The following CIITA variants were observed in gnomAD, a reference collection of about 807,000 sequenced individuals.
The protein encoded by CIITA is class II major histocompatibility complex transactivator, also known as MHC class II transactivator.
Under a neutral mutation model 115.1 loss-of-function variants are expected in CIITA, and 72 were observed. The observed-to-expected ratio is 0.63, with a 90% CI of 0.52 to 0.76. The LOEUF (loss-of-function observed/expected upper bound fraction) is 0.76, where lower values mean the gene tolerates loss of function less well. Among genes scored for constraint, CIITA ranks in the 30% least tolerant of loss-of-function variants. The probability of loss-of-function intolerance (pLI) is 0.00; values close to 1 mark genes in which losing one functional copy is unlikely to be tolerated. For missense variants in CIITA, 1,617 were observed against 1,463.8 expected (o/e 1.10, Z -1.71); for synonymous variants, 763 against 635.6 (o/e 1.20, Z -3.02).
At chr16:10,909,285 T>C in intron 12 of CIITA, 98 bp downstream of exon 12, 2 of 1,288,862 alleles carry the variant, frequency 1.6e-6, no homozygotes, top group Non-Finnish European at 2.2e-6. Flanking sequence ...CAGTGCCCCC[T>C]GTCCTCTGGG....
chr16:10,883,447 G>A (rs2036620620), intron 1 of CIITA, among the ~76,000 whole-genome samples: 1 of 152,168 alleles, frequency 6.6e-6, no homozygotes, highest in African/African-American at 2.4e-5. Context: ...GGACCACCAG[G>A]CCCCTCACCC....
Position 10,879,648 on chromosome 16 carries a change from TC to T in CIITA, c.52+2272del, listed in dbSNP as rs1160468680. 1.3e-5 allele frequency among the ~76,000 whole-genome samples: 2 copies of T among 151,786 alleles called. No homozygotes were observed. The highest frequency in any genetic ancestry group is 4.8e-5 in the African/African-American group (2 of 41,322). ...GTTGTTGGGAGGGGTGGGGGAGGGA[TC>T]CCCCCGGACTGAACCGATCTCTTGA... On this transcript the variant is annotated intron_variant, in intron 1 of 19. Transcript: ENST00000324288. The surrounding 1 kb of genome is among the most constrained non-coding windows in gnomAD (Gnocchi z 4.3).
At chr16:10,902,329 T>A (rs2038836308) in intron 7 of CIITA, 145 bp downstream of exon 7, 1 of 1,259,432 alleles carries the variant, frequency 7.9e-7, no homozygotes, top group Admixed American at 2.1e-5. Flanking sequence ...CAGCCAGTTT[T>A]ATCCTTGGGG....
intron 1 of CIITA, among the ~76,000 whole-genome samples, chr16:10,894,144 G>T (rs1271115139): frequency 6.6e-6 from 1 of 152,088 alleles, no homozygotes; most frequent in African/African-American, 2.4e-5. Flanking sequence ...GAGCCACCAC[G>T]CCCCACCCCT....
intron 1 of CIITA, among the ~76,000 whole-genome samples, chr16:10,869,321 G>A (rs571906587): frequency 2.0e-5 from 3 of 152,170 alleles, no homozygotes; most frequent in Non-Finnish European, 4.4e-5. Context: ...GACACGCTCA[G>A]CACACTGTCT....
At chr16:10,893,799 C>T (rs911439269) in intron 1 of CIITA, among the ~76,000 whole-genome samples, 3 of 59,616 alleles carry the variant, frequency 5.0e-5, no homozygotes, top group African/African-American at 1.3e-4. Flanking sequence ...ACAGAGACTC[C>T]GTCTTAAAAA....
intron 1 of CIITA, among the ~76,000 whole-genome samples, chr16:10,867,382 G>A (rs923077914): frequency 6.6e-6 from 1 of 151,730 alleles, no homozygotes; most frequent in African/African-American, 2.4e-5. Context: ...GTGTGTCTGT[G>A]TGACACACAG....
At position 10,928,829 on chromosome 16, in the gene CIITA, G is replaced by A. The variant is rs1383751720; in HGVS notation, c.*4974G>A. 1 of 152,466 alleles carries A rather than the reference G, an allele frequency of 6.6e-6. No homozygotes were observed. Among genetic ancestry groups the A allele is most frequent in the East Asian group, 1.9e-4 (1 of 5,194 alleles). The allele number at this position is 152,466 out of a possible 1,614,324, so 9.4% of individuals were successfully genotyped here. A position where few individuals can be genotyped will look rare whatever the true frequency, so the allele number is the denominator to read the frequency against. On this transcript the variant is annotated 3_prime_UTR_variant, in exon 20 of 20. Coordinates refer to ENST00000324288, the MANE Select transcript of CIITA (RefSeq NM_000246.4). Reference sequence around the variant, plus strand: ...ATCTTCTGCTGTTTGTCAGCCACAAGGTTCTGCCTAGAACTCCTTTCCCGA... The same window carrying A: ...ATCTTCTGCTGTTTGTCAGCCACAAAGTTCTGCCTAGAACTCCTTTCCCGA...
chr16:10,887,848 G>A (rs2037117927), intron 1 of CIITA, among the ~76,000 whole-genome samples: 2 of 152,108 alleles, frequency 1.3e-5, no homozygotes, highest in South Asian at 4.1e-4. Flanking sequence ...GCTTTTAGGG[G>A]TAGCAAAAGA....
chr16:10,872,276 C>T (rs1192722510), upstream of CIITA, among the ~76,000 whole-genome samples: 1 of 152,014 alleles, frequency 6.6e-6, no homozygotes, highest in Non-Finnish European at 1.5e-5. Flanking sequence ...GCGCCTGCCA[C>T]CATGCCGAGC....
At chr16:10,902,223 C>G (rs753155836) in intron 7 of CIITA, 39 bp downstream of exon 7, 2 of 1,612,432 alleles carry the variant, frequency 1.2e-6, no homozygotes, top group Non-Finnish European at 1.7e-6. Flanking sequence ...CTTTCTCCCT[C>G]TTGGGAGGTG....
rs776085726 is a variant in CIITA at position 10,941,808 on chromosome 16, C to G, written n.934C>G. On this transcript the variant is annotated non_coding_transcript_exon_variant, in exon 2 of 2. Transcript: ENST00000573379. The surrounding 1 kb of genome is among the most constrained non-coding windows in gnomAD (Gnocchi z 6.4). ...CGGAGAGCACGCCGAGGTCCACGAG[C>G]GCCTGGTCCATGTCCTCGGGCAGGA... is the stretch of plus-strand genomic sequence containing the variant. The G allele has an allele frequency of 6.2e-7, 1 of 1,613,590 alleles. No individual in the cohort carries two copies. The highest frequency in any genetic ancestry group is 1.1e-5 in the South Asian group (1 of 91,062).
rs2040684562 is a variant in CIITA, at chr16:10,929,520, G to T, written c.*5665G>T. The T allele has an allele frequency of 3.0e-6, 3 of 985,422 alleles. No individual in the cohort carries two copies. Among genetic ancestry groups the T allele is most frequent in the South Asian group, 9.4e-5 (2 of 21,284 alleles). The allele number at this position is 985,422 out of a possible 1,614,324, so 61.0% of individuals were successfully genotyped here. Reference sequence around the variant, plus strand: ...CTTCCACTCTCCTGGGTTCAAACAGGAACCTCTCTGTTGGCACGAAGCTTT... The same window carrying T: ...CTTCCACTCTCCTGGGTTCAAACAGTAACCTCTCTGTTGGCACGAAGCTTT... On this transcript the variant is annotated 3_prime_UTR_variant, in exon 20 of 20. Coordinates refer to ENST00000324288, the MANE Select transcript of CIITA (RefSeq NM_000246.4). The surrounding 1 kb of genome is among the most constrained non-coding windows in gnomAD (Gnocchi z 4.3).
chr16:10,869,579 G>A (rs769725993), intron 1 of CIITA, among the ~76,000 whole-genome samples: 1 of 150,772 alleles, frequency 6.6e-6, no homozygotes, highest in Non-Finnish European at 1.5e-5. Context: ...GTGCAGTGGT[G>A]AGATCTCAGC....
intron 14 of CIITA, 86 bp downstream of exon 14, chr16:10,915,736 C>A: frequency 8.5e-7 from 1 of 1,181,130 alleles, no homozygotes; most frequent in Non-Finnish European, 1.3e-6. Flanking sequence ...AATTCCTGGC[C>A]TCAAGTAGTC....
intron 1 of CIITA, among the ~76,000 whole-genome samples, chr16:10,881,784 T>C (rs1451494931): frequency 6.6e-6 from 1 of 152,184 alleles, no homozygotes; most frequent in African/African-American, 2.4e-5. Context: ...TCCAGAACTT[T>C]TTCATCCTCC....
intron 14 of CIITA, 61 bp from the exon 15 acceptor site, chr16:10,916,281 AGGGCTGAGGAGGCCCTCACTGGGAT>A: frequency 7.9e-7 from 1 of 1,269,362 alleles, no homozygotes; most frequent in East Asian, 2.4e-5. Flanking sequence ...GGCAGGTGCC[AGGGCTGAGGAGGCCCTCACTGGGAT>A]GGGAAGGGTC....
rs950383707 is a variant in CIITA, at chr16:10,942,901, GT to G, written n.2028del. On this transcript the variant is annotated non_coding_transcript_exon_variant, in exon 2 of 2. Transcript: ENST00000573379. This position sits in a 1 kb window ranked among gnomAD's most constrained non-coding sequence, Gnocchi z 5.0. ...ATTTTCATGGTGGAGATCCACCAGT[GT>G]CCCCTTCGCTTCTCCAAACTCTGGT... 6.6e-6 allele frequency: 1 copy of G among 152,170 alleles called. No homozygotes were observed. The highest frequency in any genetic ancestry group is 2.4e-5 in the African/African-American group (1 of 41,424). 9.4% of individuals were successfully genotyped at this position (152,170 alleles called of 1,614,324 possible). A position where few individuals can be genotyped will look rare whatever the true frequency, so the allele number is the denominator to read the frequency against.
rs749939330 is a variant in CIITA, at chr16:10,907,571, C to T, written c.2079C>T (p.Gly693=). 7.4e-6 allele frequency: 12 copies of T among 1,614,082 alleles called. No individual in the cohort carries two copies. Among genetic ancestry groups the T allele is most frequent in the East Asian group, 4.5e-5 (2 of 44,876 alleles). ...TGAGGACCTGGGCGATGGCCAAAGG[C>T]TTAGTCCAACACCCACCGCGGGCCG... is the stretch of plus-strand genomic sequence containing the variant. ...ADVRTWAMAK[G]LVQHPPRAAE... The change falls in exon 11 of 20, where the codon GGC becomes GGT. Residue 693 remains glycine (G), a synonymous_variant. Transcript: ENST00000324288. The surrounding 1 kb of genome is among the most constrained non-coding windows in gnomAD (Gnocchi z 5.0).
Sources: allele counts gnomAD v4.1 joint callset (sites outside exome capture counted in the v4.1 genomes callset), GRCh38; gene constraint gnomAD v4.1.1; non-coding constraint Gnocchi (gnomAD v3.1); transcripts MANE v1.5; gene names NCBI Gene and HGNC (gene_info 2026-07-23, HGNC 2026-07-21).